Variants in ZNF449 observed in about 807,000 individuals in gnomAD.
ZNF449 encodes the protein zinc finger protein 449.
A neutral mutation model predicts 32.6 loss-of-function variants in ZNF449; 4 were observed. The ratio of observed to expected loss-of-function variants is 0.12; its 90% confidence interval spans 0.06 to 0.28. The LOEUF (loss-of-function observed/expected upper bound fraction) is 0.28. ZNF449 is among the 10% of genes least tolerant of loss of function. The pLI, the probability that ZNF449 is intolerant of heterozygous loss-of-function variation, is 1.00. For synonymous variants in ZNF449, 123 were observed against 132.2 expected (o/e 0.93, Z 0.48); for missense variants, 275 against 383.2 (o/e 0.72, Z 2.36).
chrX:135,347,446 A>G lies in ZNF449; in HGVS notation c.328A>G (p.Arg110Gly). ...RVVSLIEDLQ[R>G]ELEIPEQQVD... The stretch of plus-strand genomic sequence containing the variant: ...TGTGTCACTGATAGAAGACTTACAG[A>G]GAGAACTTGAGATACCAGAGCAGCA... The change falls in exon 2 of 5, where the codon AGA becomes GGA. Residue 110 changes from arginine to glycine, a missense_variant. Coordinates refer to ENST00000339249, the MANE Select transcript of ZNF449 (RefSeq NM_152695.6). 8.3e-7 allele frequency: 1 copy of G among 1,211,971 alleles called. No individual in the cohort carries two copies. The highest frequency in any genetic ancestry group is 1.1e-6 in the Non-Finnish European group (1 of 895,578).
chrX:135,348,587 T>G, intron 2 of ZNF449: 1 of 268,651 alleles, frequency 3.7e-6, no homozygotes, highest in Non-Finnish European at 6.2e-6. Flanking sequence ...GATACTCCAG[T>G]CTTGTCTATG....
At chrX:135,351,771 C>T (rs2084889314) in intron 3 of ZNF449, among the ~76,000 whole-genome samples, 2 of 109,080 alleles carry the variant, frequency 1.8e-5, no homozygotes, top group African/African-American at 6.7e-5. Context: ...TCTGCATTTG[C>T]ATTCTGATTC....
At chrX:135,359,767 G>A (rs1201920721) in intron 3 of ZNF449, 125 bp from the exon 4 acceptor site, 6 of 443,469 alleles carry the variant, frequency 1.4e-5, no homozygotes, top group Non-Finnish European at 2.4e-5. Context: ...AGAGACTCAG[G>A]TGAAGTAATA....
In ZNF449 at chrX:135,347,232, C is replaced by T. The variant is rs2084854013; in HGVS notation, c.114C>T (p.Tyr38=). 8.3e-7 allele frequency: 1 copy of T among 1,210,936 alleles called. No homozygotes were observed. The highest frequency in any genetic ancestry group is 2.2e-5 in the Admixed American group (1 of 45,931). The change falls in exon 2 of 5, where the codon TAC becomes TAT. Residue 38 remains tyrosine, a synonymous_variant. Transcript: ENST00000339249. ...VFRQRFRQFQ[Y]REAAGPHEAF... is the part of the protein sequence containing the mutation. The stretch of plus-strand genomic sequence containing the variant: ...GTCAGCGCTTCAGGCAGTTCCAGTA[C>T]AGAGAAGCAGCTGGGCCTCATGAAG...
At chrX:135,350,709 T>G (rs906315675) in intron 3 of ZNF449, among the ~76,000 whole-genome samples, 28 of 111,881 alleles carry the variant, frequency 2.5e-4, no homozygotes, top group African/African-American at 8.5e-4. Flanking sequence ...TCAGATATGT[T>G]AGTAGGACGT....
intron 1 of ZNF449, among the ~76,000 whole-genome samples, chrX:135,346,695 A>G (rs1172741079): frequency 8.9e-6 from 1 of 112,154 alleles, no homozygotes; most frequent in Non-Finnish European, 1.9e-5. Context: ...AATATTACTG[A>G]GAAACTAAAT....
At chrX:135,345,179 G>T (rs2084834204) in intron 1 of ZNF449, among the ~76,000 whole-genome samples, 1 of 112,889 alleles carries the variant, frequency 8.9e-6, no homozygotes, top group African/African-American at 3.2e-5. Flanking sequence ...CACTCTTGCC[G>T]TTCCTCAAGT....
intron 3 of ZNF449, among the ~76,000 whole-genome samples, chrX:135,355,847 A>G (rs1202292998): frequency 1.8e-5 from 2 of 111,349 alleles, no homozygotes; most frequent in Non-Finnish European, 3.8e-5. Context: ...TCCCACTCCA[A>G]AGCAACCACT....
intron 3 of ZNF449, among the ~76,000 whole-genome samples, chrX:135,356,312 C>T (rs2084917591): frequency 9.0e-6 from 1 of 111,598 alleles, no homozygotes; most frequent in Non-Finnish European, 1.9e-5. Context: ...TATTTCTTCA[C>T]ATCCTAGGCG....
intron 3 of ZNF449, among the ~76,000 whole-genome samples, chrX:135,357,919 A>G (rs1217004024): frequency 1.8e-5 from 2 of 111,291 alleles, no homozygotes; most frequent in Non-Finnish European, 3.8e-5. Flanking sequence ...CAATCCAGTC[A>G]GACCTTCTCT....
chrX:135,348,638 CA>C, intron 2 of ZNF449: 3 of 679,591 alleles, frequency 4.4e-6, no homozygotes, highest in Non-Finnish European at 5.8e-6. Context: ...GGCTCCTGAA[CA>C]GGAGTCTTCT....
chrX:135,349,947 C>T (rs1216299366), intron 3 of ZNF449, among the ~76,000 whole-genome samples: 1 of 110,956 alleles, frequency 9.0e-6, no homozygotes, highest in Non-Finnish European at 1.9e-5. Flanking sequence ...TGGAGAAAGG[C>T]AGCACGATCA....
At chrX:135,353,924 T>C (rs1196162900) in intron 3 of ZNF449, among the ~76,000 whole-genome samples, 1 of 111,774 alleles carries the variant, frequency 8.9e-6, no homozygotes, top group Non-Finnish European at 1.9e-5. Context: ...ACTCATCCAA[T>C]AATAGTTGCT....
chrX:135,352,457 G>A lies in ZNF449; in HGVS notation c.559+3143G>A, dbSNP rs1255956972. Among the ~76,000 whole-genome samples, 8 of 111,839 alleles carry A rather than the reference G, an allele frequency of 7.2e-5. No individual in the cohort carries two copies. The Admixed American group carries it at 7.6e-4, about 11-fold the overall frequency. ...TCAGAAAGAAAAGAGGCAAGGAGAC[G>A]CTAGTCTTAAAAACATAAAATATAT... is the stretch of plus-strand genomic sequence containing the variant. On this transcript the variant is annotated intron_variant, in intron 3 of 4. Coordinates refer to ENST00000339249, the MANE Select transcript of ZNF449 (RefSeq NM_152695.6).
intron 3 of ZNF449, among the ~76,000 whole-genome samples, chrX:135,351,049 G>A (rs1029670662): frequency 1.8e-5 from 2 of 111,601 alleles, no homozygotes; most frequent in Admixed American, 9.4e-5. Flanking sequence ...AGGGTCCTGG[G>A]TCACGAAGAA....
chrX:135,352,340 GAAGACATA>G (rs1556450606), intron 3 of ZNF449, among the ~76,000 whole-genome samples: 1 of 112,033 alleles, frequency 8.9e-6, no homozygotes, highest in Admixed American at 9.4e-5. Flanking sequence ...GTGACCTAAG[GAAGACATA>G]AACTTTAAAA....
intron 1 of ZNF449, among the ~76,000 whole-genome samples, chrX:135,345,801 T>C (rs1556448007): frequency 9.1e-6 from 1 of 110,446 alleles, no homozygotes; most frequent in Admixed American, 9.6e-5. Flanking sequence ...TTGAATCCCC[T>C]CCAGAGAAGA....
At chrX:135,357,059 C>T (rs782394094) in intron 3 of ZNF449, among the ~76,000 whole-genome samples, 6 of 111,538 alleles carry the variant, frequency 5.4e-5, no homozygotes, top group South Asian at 7.4e-4. Flanking sequence ...TATGATTTGC[C>T]GGTATTTTCT....
chrX:135,357,353 G>T (rs186427057), intron 3 of ZNF449, among the ~76,000 whole-genome samples: 3 of 110,725 alleles, frequency 2.7e-5, no homozygotes, highest in Non-Finnish European at 5.7e-5. Context: ...ATTTTTTCCC[G>T]TGGAGACATC....
Sources: allele counts gnomAD v4.1 joint callset (sites outside exome capture counted in the v4.1 genomes callset), GRCh38; gene constraint gnomAD v4.1.1; transcripts MANE v1.5; gene names NCBI Gene and HGNC (gene_info 2026-07-23, HGNC 2026-07-21).